Variants in TMF1 observed in about 807,000 individuals in gnomAD.
TMF1 encodes TATA element modulatory factor.
A neutral mutation model predicts 126.5 loss-of-function variants in TMF1; 71 were observed. The observed-to-expected ratio is 0.56, with a 90% CI of 0.46 to 0.68. The LOEUF (loss-of-function observed/expected upper bound fraction) is 0.68. Ranked by LOEUF, TMF1 falls within the 30% of genes least tolerant of loss-of-function variation. TMF1 has a pLI of 0.00. For synonymous variants in TMF1, 461 were observed against 430.5 expected, an observed-to-expected ratio of 1.07 and a Z score of -0.88; for missense variants, 1,259 against 1,253.2, an observed-to-expected ratio of 1.00 and a Z score of -0.07.
chr3:69,052,031 T>A lies in TMF1; in HGVS notation c.56A>T (p.Gln19Leu). The A allele has an allele frequency of 6.2e-7, 1 of 1,613,810 alleles. No individual in the cohort carries two copies. The highest frequency in any genetic ancestry group is 8.5e-7 in the Non-Finnish European group (1 of 1,179,896). ...LSSFAKQALSQAQKSIDRVLD... is the reference protein window; with the variant it reads ...LSSFAKQALSLAQKSIDRVLD... Reference sequence around the variant, plus strand: ...AACCCTGTCAATAGACTTCTGGGCCTGGGACAGGGCCTGCTTAGCGAAGCT... The same window carrying A: ...AACCCTGTCAATAGACTTCTGGGCCAGGGACAGGGCCTGCTTAGCGAAGCT... Residue 19 changes from glutamine (Q) to leucine (L), a missense_variant, in exon 1 of 17, where the codon CAG (glutamine) becomes CTG (leucine). Gln to Leu is a moderately radical substitution (Grantham distance 113, BLOSUM62 -2). Transcript: ENST00000398559.
At chr3:69,047,078 T>C (rs1236449665) in intron 2 of TMF1, among the ~76,000 whole-genome samples, 1 of 152,180 alleles carries the variant, frequency 6.6e-6, no homozygotes, top group Non-Finnish European at 1.5e-5. Flanking sequence ...TAACAGAATT[T>C]TGAAGTGATA....
chr3:69,033,468 T>C, intron 10 of TMF1, 80 bp downstream of exon 10: 1 of 1,451,196 alleles, frequency 6.9e-7, no homozygotes, highest in Admixed American at 2.4e-5. Flanking sequence ...TCAAATGAAT[T>C]TCAATTTCAT....
intron 5 of TMF1, among the ~76,000 whole-genome samples, chr3:69,041,430 T>G (rs192458422): frequency 6.6e-6 from 1 of 152,304 alleles, no homozygotes; most frequent in Non-Finnish European, 1.5e-5. Flanking sequence ...AAAAGTTGGA[T>G]AAAGCTAACT....
chr3:69,042,958 T>C (rs578217863), intron 4 of TMF1, 46 bp from the exon 5 acceptor site: 1 of 1,339,332 alleles, frequency 7.5e-7, no homozygotes, highest in South Asian at 1.2e-5. Context: ...TGACTTTCAC[T>C]CTAAGTACAG....
chr3:69,043,052 A>G lies in TMF1; in HGVS notation c.1579-140T>C. On this transcript the variant is annotated intron_variant, in intron 4 of 16. Transcript: ENST00000398559. ...GTAAGTTTTGTTCAGTTAATCTACT[A>G]CCTTGGTTAACTAAGACTAAGAAAA... 2 of 596,502 alleles carry G rather than the reference A, an allele frequency of 3.4e-6. 1 individual carries two copies. Among genetic ancestry groups the G allele is most frequent in the South Asian group, 5.0e-5 (2 of 39,720 alleles). The allele number at this position is 596,502 out of a possible 1,614,324, so 37.0% of individuals were successfully genotyped here. A position where few individuals can be genotyped will look rare whatever the true frequency, so the allele number is the denominator to read the frequency against.
chr3:69,036,349 A>G (rs1386241374), intron 8 of TMF1, among the ~76,000 whole-genome samples: 1 of 152,192 alleles, frequency 6.6e-6, no homozygotes, highest in Non-Finnish European at 1.5e-5. Flanking sequence ...CTGTAAAAAG[A>G]TATTTTTTAA....
intron 9 of TMF1, 73 bp downstream of exon 9, chr3:69,034,950 C>A: frequency 7.7e-7 from 1 of 1,304,332 alleles, no homozygotes; most frequent in Non-Finnish European, 1.1e-6. Flanking sequence ...AACACTATCC[C>A]ACTGAGGAAT....
In TMF1 at chr3:69,048,431, C is replaced by T; in HGVS notation, c.274G>A (p.Glu92Lys). ...TKPVRRTVVD[E>K]SENFFSAFLS... ...AAGGCACTGAAGAAATTTTCAGATT[C>T]ATCGACCACAGTCCTCCGAACTGGC... The change falls in exon 2 of 17, where the codon GAA (glutamate) becomes AAA (lysine). Residue 92 changes from glutamate to lysine, a missense_variant. Coordinates refer to ENST00000398559, the MANE Select transcript of TMF1 (RefSeq NM_007114.3). 1.2e-6 allele frequency: 2 copies of T among 1,614,142 alleles called. No individual in the cohort carries two copies. The highest frequency in any genetic ancestry group is 1.7e-6 in the Non-Finnish European group (2 of 1,180,028).
rs1225671687 is a variant in TMF1, at chr3:69,052,275, GA to G, written c.-190del. On this transcript the variant is annotated 5_prime_UTR_variant, in exon 1 of 17. The change creates a premature stop within an existing upstream ORF in the 5' untranslated region. Transcript: ENST00000398559. ...TCGGCCGTTCCCGCACAGCTGAGAC[GA>G]AGGGGGCCCATGTGCGCATGCGCTT... The G allele has an allele frequency of 3.8e-6, 2 of 530,652 alleles. No individual in the cohort carries two copies. Among genetic ancestry groups the G allele is most frequent in the Non-Finnish European group, 6.4e-6 (2 of 311,728 alleles). 32.9% of individuals were successfully genotyped at this position (530,652 alleles called of 1,614,324 possible).
chr3:69,026,640 A>C (rs67138835), intron 13 of TMF1, among the ~76,000 whole-genome samples: 1 of 151,356 alleles, frequency 6.6e-6, no homozygotes, highest in African/African-American at 2.5e-5. Flanking sequence ...CAAACAAAAA[A>C]AAAGTACAAT....
chr3:69,025,787 A>G (rs1359591240), intron 14 of TMF1, 75 bp from the exon 15 acceptor site: 1 of 1,497,708 alleles, frequency 6.7e-7, no homozygotes, highest in Non-Finnish European at 9.0e-7. Flanking sequence ...TCGAACAAAA[A>G]TGGTTCTGTC....
At chr3:69,026,642 A>G (rs2091769038) in intron 13 of TMF1, among the ~76,000 whole-genome samples, 1 of 151,336 alleles carries the variant, frequency 6.6e-6, no homozygotes, top group African/African-American at 2.5e-5. Context: ...AACAAAAAAA[A>G]AGTACAATAT....
At position 69,025,290 on chromosome 3, in the gene TMF1, A is replaced by G. The variant is rs1037462849; in HGVS notation, c.3012+270T>C. On this transcript the variant is annotated intron_variant, in intron 15 of 16. Transcript: ENST00000398559. ...GTCTTATGTAGGCAGGTTGTAAAAC[A>G]TGGGAGGCCTGCTCCAGCCCAGCAT... 13 of 328,190 alleles carry G rather than the reference A, an allele frequency of 4.0e-5. No individual in the cohort carries two copies. In the Admixed American group the frequency reaches 5.6e-4, roughly 14 times the overall value. The allele number at this position is 328,190 out of a possible 1,614,324, so 20.3% of individuals were successfully genotyped here. A position where few individuals can be genotyped will look rare whatever the true frequency, so the allele number is the denominator to read the frequency against.
At chr3:69,037,940 C>T (rs2091842030) in intron 8 of TMF1, among the ~76,000 whole-genome samples, 1 of 152,200 alleles carries the variant, frequency 6.6e-6, no homozygotes, top group Admixed American at 6.5e-5. Context: ...AACTGAAACC[C>T]TCACCTATTG....
chr3:69,041,589 T>C lies in TMF1; in HGVS notation c.1684+1218A>G, dbSNP rs368806459. The stretch of plus-strand genomic sequence containing the variant: ...AAAAATAAATGTACAACACTAGAAA[T>C]AGTAAAACATATTATGGTATACCCA... On this transcript the variant is annotated intron_variant, in intron 5 of 16. Transcript: ENST00000398559. Among the ~76,000 whole-genome samples the C allele has an allele frequency of 6.8e-4, 103 of 152,136 alleles. 3 individuals are homozygous for C. The highest frequency in any genetic ancestry group is 2.7e-3 in the South Asian group (13 of 4,822).
At chr3:69,025,908 A>AG in intron 14 of TMF1, 88 bp downstream of exon 14, 1 of 1,232,856 alleles carries the variant, frequency 8.1e-7, no homozygotes, top group East Asian at 2.4e-5. Context: ...TAGAATGGCA[A>AG]GGTCATGATG....
intron 6 of TMF1, 108 bp from the exon 7 acceptor site, chr3:69,039,117 G>T: frequency 1.0e-6 from 1 of 988,050 alleles, no homozygotes; most frequent in Non-Finnish European, 1.4e-6. Flanking sequence ...ATTTTTTTGA[G>T]ACAAAGTCTC....
At position 69,052,245 on chromosome 3, in the gene TMF1, TAC is replaced by T. The variant is rs1317915936; in HGVS notation, c.-161_-160del. On this transcript the variant is annotated 5_prime_UTR_variant, in exon 1 of 17. It removes the in-frame stop codon of an upstream open reading frame in the 5' UTR. Coordinates refer to ENST00000398559, the MANE Select transcript of TMF1 (RefSeq NM_007114.3). ...ACAGCCTCCCGCGAGCCCGGGATGT[TAC>T]CCTCGGCCGTTCCCGCACAGCTGAG... The T allele has an allele frequency of 7.9e-6, 6 of 764,290 alleles. No homozygotes were observed. The highest frequency in any genetic ancestry group is 1.8e-5 in the African/African-American group (1 of 55,658). 47.3% of individuals were successfully genotyped at this position (764,290 alleles called of 1,614,324 possible). A position where few individuals can be genotyped will look rare whatever the true frequency, so the allele number is the denominator to read the frequency against.
chr3:69,035,032 T>G lies in TMF1; in HGVS notation c.2235A>C (p.Glu745Asp). 1 of 1,614,066 alleles carries G rather than the reference T, an allele frequency of 6.2e-7. No individual in the cohort carries two copies. The highest frequency in any genetic ancestry group is 8.5e-7 in the Non-Finnish European group (1 of 1,179,924). The change falls in exon 9 of 17, where the codon GAA (glutamate) becomes GAC (aspartate). Residue 745 changes from glutamate (E) to aspartate (D), a missense_variant. Transcript: ENST00000398559. Reference sequence around the variant, plus strand: ...AAACCTGTGACAGTACCTGCTGAAGTTCACCGATCTCATGGCGTAAATAAT... The same window carrying G: ...AAACCTGTGACAGTACCTGCTGAAGGTCACCGATCTCATGGCGTAAATAAT... Reference protein sequence around the residue: ...KEDYLRHEIGELQQRLQEAEN... With the variant: ...KEDYLRHEIGDLQQRLQEAEN...
Sources: allele counts gnomAD v4.1 joint callset (sites outside exome capture counted in the v4.1 genomes callset), GRCh38; gene constraint gnomAD v4.1.1; transcripts MANE v1.5; gene names NCBI Gene and HGNC (gene_info 2026-07-23, HGNC 2026-07-21).